Variants in CNTN5 observed in about 807,000 individuals in gnomAD.
The protein encoded by CNTN5 is contactin-5.
A neutral mutation model predicts 129.1 loss-of-function variants in CNTN5; 77 were observed. The ratio of observed to expected loss-of-function variants is 0.60; its 90% confidence interval spans 0.50 to 0.72. The LOEUF (loss-of-function observed/expected upper bound fraction) is 0.72. Ranked by LOEUF, CNTN5 falls within the 30% of genes least tolerant of loss-of-function variation. The probability of loss-of-function intolerance (pLI) is 0.00; values close to 1 mark genes in which losing one functional copy is unlikely to be tolerated. For missense variants in CNTN5, 1,478 were observed against 1,328.8 expected, an observed-to-expected ratio of 1.11 and a Z score of -1.75; for synonymous variants, 509 against 465.6, an observed-to-expected ratio of 1.09 and a Z score of -1.20.
chr11:99,184,017 C>A (rs1858216804), intron 1 of CNTN5, among the ~76,000 whole-genome samples: 1 of 152,042 alleles, frequency 6.6e-6, no homozygotes, highest in Non-Finnish European at 1.5e-5. Flanking sequence ...CCTGTCCATG[C>A]AGCATTGTAT....
chr11:99,844,684 A>G, intron 4 of CNTN5, 168 bp from the exon 5 acceptor site: 2 of 625,408 alleles, frequency 3.2e-6, no homozygotes, highest in East Asian at 2.9e-5. Flanking sequence ...GTTCTTTACA[A>G]TTTAATAAAA....
chr11:100,143,195 GT>G lies in CNTN5; in HGVS notation c.1581-47923del, dbSNP rs984917043. Among the ~76,000 whole-genome samples the G allele has an allele frequency of 3.9e-5, 6 of 152,040 alleles. No individual in the cohort carries two copies. In the South Asian group the frequency reaches 1.0e-3, roughly 26 times the overall value. The stretch of plus-strand genomic sequence containing the variant: ...ATGAATCATTTCATCCTAGTTTTAT[GT>G]TTTTTTTCTAGTCATGTTTGAAAAT... On this transcript the variant is annotated intron_variant, in intron 13 of 24. Coordinates refer to ENST00000524871, the MANE Select transcript of CNTN5 (RefSeq NM_014361.4).
chr11:99,756,795 G>C (rs1481539906), intron 3 of CNTN5, among the ~76,000 whole-genome samples: 1 of 151,816 alleles, frequency 6.6e-6, no homozygotes, highest in African/African-American at 2.4e-5. Context: ...ATAAAAGAAT[G>C]AGTTATTTTA....
At chr11:99,894,894 T>C (rs960619386) in intron 6 of CNTN5, among the ~76,000 whole-genome samples, 2 of 152,194 alleles carry the variant, frequency 1.3e-5, no homozygotes, top group Non-Finnish European at 1.5e-5. Flanking sequence ...GGAAGACATA[T>C]TGTCCTTCCT....
chr11:99,269,413 A>T (rs748064026), intron 1 of CNTN5, among the ~76,000 whole-genome samples: 5 of 151,868 alleles, frequency 3.3e-5, no homozygotes, highest in Non-Finnish European at 5.9e-5. Context: ...TTAAAAAATA[A>T]TGTACTCAAA....
intron 1 of CNTN5, among the ~76,000 whole-genome samples, chr11:99,099,780 C>T (rs1482914510): frequency 6.6e-6 from 1 of 152,132 alleles, no homozygotes; most frequent in Non-Finnish European, 1.5e-5. Flanking sequence ...ATAAATGACA[C>T]AATACGTATA....
chr11:99,120,663 T>C lies in CNTN5; in HGVS notation c.-210+99393T>C, dbSNP rs1171339041. 1.3e-5 allele frequency among the ~76,000 whole-genome samples: 2 copies of C among 152,192 alleles called. 1 individual carries two copies. Among genetic ancestry groups the C allele is most frequent in the Non-Finnish European group, 2.9e-5 (2 of 68,034 alleles). ...TATGTCCCGTTATCTCTGATAGATT[T>C]CCATAGGTATAAACCTTTAATCTGA... On this transcript the variant is annotated intron_variant, in intron 1 of 24. Transcript: ENST00000524871.
At chr11:99,593,096 T>C (rs1950026610) in intron 3 of CNTN5, among the ~76,000 whole-genome samples, 1 of 152,166 alleles carries the variant, frequency 6.6e-6, no homozygotes, top group Non-Finnish European at 1.5e-5. Flanking sequence ...GACTGGCTTT[T>C]ATAACTAGCT....
At chr11:99,476,106 G>A (rs1372013779) in intron 2 of CNTN5, among the ~76,000 whole-genome samples, 2 of 151,812 alleles carry the variant, frequency 1.3e-5, no homozygotes, top group Admixed American at 1.3e-4. Context: ...ATGGAATTGA[G>A]TGAATTTGTT....
At chr11:100,220,267 ACT>A (rs901892044) in intron 15 of CNTN5, among the ~76,000 whole-genome samples, 16 of 151,522 alleles carry the variant, frequency 1.1e-4, no homozygotes, top group African/African-American at 2.7e-4. Flanking sequence ...ACAGAGCGAG[ACT>A]CTGTCTCAAT....
chr11:100,301,223 C>T (rs953370800), intron 20 of CNTN5, among the ~76,000 whole-genome samples: 7 of 151,554 alleles, frequency 4.6e-5, no homozygotes, highest in East Asian at 1.9e-4. Flanking sequence ...CACCAAAGGT[C>T]GCATGAGAGA....
chr11:99,371,921 G>A (rs773625376), intron 2 of CNTN5, among the ~76,000 whole-genome samples: 1 of 152,132 alleles, frequency 6.6e-6, no homozygotes. Context: ...TTGTGTCTTT[G>A]AGTATACAAA....
intron 6 of CNTN5, among the ~76,000 whole-genome samples, chr11:99,909,002 G>C (rs994578738): frequency 3.3e-5 from 5 of 151,968 alleles, no homozygotes; most frequent in African/African-American, 1.2e-4. Flanking sequence ...GCTAATGAAA[G>C]TTTCATTACA....
At chr11:100,210,347 CAA>C (rs374618789) in intron 15 of CNTN5, among the ~76,000 whole-genome samples, 15 of 80,902 alleles carry the variant, frequency 1.9e-4, no homozygotes, top group African/African-American at 6.0e-4. Context: ...GAGACTATCT[CAA>C]AAAAAAAAAA....
chr11:100,108,757 CAG>C (rs1945543952), intron 13 of CNTN5, among the ~76,000 whole-genome samples: 1 of 151,250 alleles, frequency 6.6e-6, no homozygotes, highest in Non-Finnish European at 1.5e-5. Context: ...TGTAAACTGA[CAG>C]AGATCGCAAC....
intron 16 of CNTN5, among the ~76,000 whole-genome samples, chr11:100,251,165 C>G (rs1242017850): frequency 1.3e-5 from 2 of 152,144 alleles, no homozygotes; most frequent in African/African-American, 4.8e-5. Flanking sequence ...AACTTATTAG[C>G]TTAAAACATC....
chr11:99,300,252 G>C (rs1418093017), intron 1 of CNTN5, among the ~76,000 whole-genome samples: 1 of 151,870 alleles, frequency 6.6e-6, no homozygotes, highest in East Asian at 1.9e-4. Flanking sequence ...GTTGTCAGTA[G>C]GTTTGTCATA....
intron 1 of CNTN5, among the ~76,000 whole-genome samples, chr11:99,071,518 A>T (rs768575716): frequency 4.6e-5 from 7 of 152,186 alleles, no homozygotes; most frequent in Non-Finnish European, 8.8e-5. Flanking sequence ...GAAACATTTT[A>T]AAAAGACTTT....
intron 6 of CNTN5, among the ~76,000 whole-genome samples, chr11:99,910,090 A>G (rs963720497): frequency 6.6e-6 from 1 of 151,970 alleles, no homozygotes; most frequent in African/African-American, 2.4e-5. Context: ...TTAAATGCTA[A>G]TTTCAAAGCT....
Sources: allele counts gnomAD v4.1 joint callset (sites outside exome capture counted in the v4.1 genomes callset), GRCh38; gene constraint gnomAD v4.1.1; transcripts MANE v1.5; gene names NCBI Gene and HGNC (gene_info 2026-07-23, HGNC 2026-07-21).